TAF3: variants seen among roughly 807,000 people sequenced by gnomAD.
TAF3 encodes TATA-box binding protein associated factor 3, also known as transcription initiation factor TFIID subunit 3.
Under a neutral mutation model 80.6 loss-of-function variants are expected in TAF3, and 7 were observed. The observed-to-expected ratio is 0.09, with a 90% CI of 0.05 to 0.16. The LOEUF is 0.16. Among genes scored for constraint, TAF3 ranks in the 10% least tolerant of loss-of-function variants. TAF3 has a pLI of 1.00. For synonymous variants in TAF3, 444 were observed against 446.1 expected (o/e 1.00, Z 0.06); for missense variants, 921 against 1,140.2 (o/e 0.81, Z 2.77).
At chr10:7,948,089 G>T (rs1224151815) in intron 2 of TAF3, among the ~76,000 whole-genome samples, 1 of 150,828 alleles carries the variant, frequency 6.6e-6, no homozygotes, top group African/African-American at 2.4e-5. Context: ...TGGAGACAGG[G>T]TCTCACTCTG....
intron 5 of TAF3, among the ~76,000 whole-genome samples, chr10:8,012,868 T>G (rs1832068199): frequency 6.6e-6 from 1 of 152,214 alleles, no homozygotes; most frequent in Non-Finnish European, 1.5e-5. Flanking sequence ...CCTTACAAAA[T>G]AAACCGGATG....
chr10:7,847,587 G>A (rs1392970017), intron 2 of TAF3, among the ~76,000 whole-genome samples: 1 of 152,072 alleles, frequency 6.6e-6, no homozygotes, highest in Admixed American at 6.5e-5. Context: ...GGAACTACAG[G>A]CATGTGTTAC....
At chr10:7,825,710 T>C (rs12766242) in intron 2 of TAF3, among the ~76,000 whole-genome samples, 1 of 152,240 alleles carries the variant, frequency 6.6e-6, no homozygotes, top group African/African-American at 2.4e-5. Context: ...GAATAATATA[T>C]GTACATTCCA....
intron 4 of TAF3, among the ~76,000 whole-genome samples, chr10:7,984,764 G>C (rs1262196393): frequency 6.6e-6 from 1 of 152,162 alleles, no homozygotes; most frequent in African/African-American, 2.4e-5. Context: ...AGAAAAAGCT[G>C]ATGTGGACTT....
intron 2 of TAF3, among the ~76,000 whole-genome samples, chr10:7,896,175 T>C (rs1837502589): frequency 6.6e-6 from 1 of 152,224 alleles, no homozygotes; most frequent in Non-Finnish European, 1.5e-5. Context: ...TGTATGCTAG[T>C]AAGGTAAAAA....
chr10:7,852,455 C>G (rs537875560), intron 2 of TAF3, among the ~76,000 whole-genome samples: 1 of 152,258 alleles, frequency 6.6e-6, no homozygotes, highest in East Asian at 1.9e-4. Flanking sequence ...ATATTTGTTG[C>G]AGAAACTGCG....
intron 4 of TAF3, among the ~76,000 whole-genome samples, chr10:8,004,387 T>G (rs1831972823): frequency 6.6e-6 from 1 of 152,188 alleles, no homozygotes; most frequent in Admixed American, 6.5e-5. Context: ...ACAGATATAG[T>G]GCACATTTTT....
chr10:7,943,745 A>G (rs1401703529), intron 2 of TAF3, among the ~76,000 whole-genome samples: 1 of 152,212 alleles, frequency 6.6e-6, no homozygotes, highest in Non-Finnish European at 1.5e-5. Context: ...GGTAAGCAAA[A>G]ATTAGTTGTG....
chr10:7,845,742 C>T (rs1836963252), intron 2 of TAF3, among the ~76,000 whole-genome samples: 2 of 152,090 alleles, frequency 1.3e-5, no homozygotes, highest in African/African-American at 2.4e-5. Flanking sequence ...TTTCAATTGG[C>T]CGTGTGAGAG....
rs556900167 is a variant in TAF3, at chr10:7,851,839, C to T, written c.409+27279C>T. On this transcript the variant is annotated intron_variant, in intron 2 of 6. Coordinates refer to ENST00000344293, the MANE Select transcript of TAF3 (RefSeq NM_031923.4). ...TCACTCTGGCACTCAAGCTGGAGTGCAGTGGTACAGTCCTGGCTTGCTGCA... is the reference window on the plus strand; with the variant it reads ...TCACTCTGGCACTCAAGCTGGAGTGTAGTGGTACAGTCCTGGCTTGCTGCA... Among the ~76,000 whole-genome samples the T allele has an allele frequency of 3.3e-5, 5 of 152,226 alleles. No homozygotes were observed. The East Asian group carries it at 7.7e-4, about 23-fold the overall frequency.
At chr10:7,956,417 G>T (rs1838136604) in intron 2 of TAF3, among the ~76,000 whole-genome samples, 1 of 152,150 alleles carries the variant, frequency 6.6e-6, no homozygotes, top group South Asian at 2.1e-4. Flanking sequence ...ACCCCGGGAG[G>T]TGGAGGTTGC....
chr10:7,946,959 G>A (rs1838030687), intron 2 of TAF3, among the ~76,000 whole-genome samples: 1 of 151,884 alleles, frequency 6.6e-6, no homozygotes, highest in Admixed American at 6.6e-5. Flanking sequence ...GCGGATTCTC[G>A]CTACACTGCC....
At chr10:7,832,403 CTTTTTAA>C (rs1395700064) in intron 2 of TAF3, among the ~76,000 whole-genome samples, 1 of 151,986 alleles carries the variant, frequency 6.6e-6, no homozygotes, top group Non-Finnish European at 1.5e-5. Flanking sequence ...AATAATAATA[CTTTTTAA>C]TTTTTATGGG....
intron 4 of TAF3, among the ~76,000 whole-genome samples, chr10:8,003,863 G>C: frequency 6.6e-6 from 1 of 151,954 alleles, no homozygotes; most frequent in East Asian, 1.9e-4. Context: ...CTGGGCAACA[G>C]AGCAAGACGC....
At chr10:7,843,332 C>T (rs759497900) in intron 2 of TAF3, among the ~76,000 whole-genome samples, 5 of 150,982 alleles carry the variant, frequency 3.3e-5, no homozygotes, top group Non-Finnish European at 7.4e-5. Context: ...TGGTCTTGAA[C>T]TCCTGGGCTC....
chr10:7,975,852 A>C (rs534310815), intron 3 of TAF3, among the ~76,000 whole-genome samples: 20 of 152,304 alleles, frequency 1.3e-4, no homozygotes, highest in Admixed American at 9.8e-4. Context: ...TTATGATGTA[A>C]TTCATGAGCT....
At chr10:7,943,382 T>G (rs185244451) in intron 2 of TAF3, among the ~76,000 whole-genome samples, 1 of 152,296 alleles carries the variant, frequency 6.6e-6, no homozygotes, top group East Asian at 1.9e-4. Context: ...GGAGGGTGTT[T>G]TTTGTATTTG....
chr10:7,971,294 A>T (rs1831619186), intron 3 of TAF3, among the ~76,000 whole-genome samples: 1 of 152,212 alleles, frequency 6.6e-6, no homozygotes, highest in Non-Finnish European at 1.5e-5. Flanking sequence ...GAAATACAAG[A>T]TGGTTACAGC....
At chr10:7,973,009 G>A (rs1831635564) in intron 3 of TAF3, among the ~76,000 whole-genome samples, 1 of 152,226 alleles carries the variant, frequency 6.6e-6, no homozygotes, top group Non-Finnish European at 1.5e-5. Flanking sequence ...GCAGTAGGGT[G>A]AACAGGGGAT....
Sources: allele counts gnomAD v4.1 joint callset (sites outside exome capture counted in the v4.1 genomes callset), GRCh38; gene constraint gnomAD v4.1.1; transcripts MANE v1.5; gene names NCBI Gene and HGNC (gene_info 2026-07-23, HGNC 2026-07-21).